GCC2: variants seen among roughly 807,000 people sequenced by gnomAD.
The protein encoded by GCC2 is GRIP and coiled-coil domain containing 2.
Under a neutral mutation model 210.6 loss-of-function variants are expected in GCC2, and 120 were observed. The observed-to-expected ratio is 0.57, with a 90% CI of 0.49 to 0.66. GCC2 has a LOEUF of 0.66. Among genes scored for constraint, GCC2 ranks in the 30% least tolerant of loss-of-function variants. The pLI, the probability that GCC2 is intolerant of heterozygous loss-of-function variation, is 0.00. For synonymous variants in GCC2, 703 were observed against 652.7 expected (o/e 1.08, Z -1.17); for missense variants, 1,868 against 1,871.9 (o/e 1.00, Z 0.04).
intron 9 of GCC2, among the ~76,000 whole-genome samples, chr2:108,479,113 G>A (rs950791048): frequency 6.6e-6 from 1 of 152,010 alleles, no homozygotes; most frequent in African/African-American, 2.4e-5. Flanking sequence ...GCAGTGAGCT[G>A]AGATCACGCC....
chr2:108,481,939 C>G, intron 10 of GCC2, 123 bp downstream of exon 10: 1 of 650,464 alleles, frequency 1.5e-6, no homozygotes, highest in Non-Finnish European at 2.6e-6. Flanking sequence ...CCACTTTACC[C>G]TCCTTCCCAC....
At position 108,452,486 on chromosome 2, in the gene GCC2, A is replaced by G. The variant is rs1310436312; in HGVS notation, c.216+20A>G. On this transcript the variant is annotated intron_variant, in intron 4 of 22. Transcript: ENST00000309863. ...ATTAAGGTAATTATTACGTTGGGAA[A>G]TGTCTAAAGAGAAATAAAATTTCCC... 2 of 1,380,622 alleles carry G rather than the reference A, an allele frequency of 1.4e-6. No individual in the cohort carries two copies. The highest frequency in any genetic ancestry group is 1.0e-6 in the Non-Finnish European group (1 of 971,268). 85.5% of individuals were successfully genotyped at this position (1,380,622 alleles called of 1,614,324 possible). A position where few individuals can be genotyped will look rare whatever the true frequency, so the allele number is the denominator to read the frequency against.
In GCC2 at chr2:108,471,246, T is replaced by G; in HGVS notation, c.1917T>G (p.Ser639Arg). Residue 639 changes from serine to arginine, a missense_variant, in exon 6 of 23, where the codon AGT becomes AGG. Physicochemically the swap from Ser to Arg is moderately radical, Grantham distance 110 (BLOSUM62 -1). This residue lies in a region of GCC2 where 1,847 missense variants were observed against 1,765.2 expected (regional missense o/e 1.05). Transcript: ENST00000309863. ...TAGAGCAAACAATCCAGTACAACAG[T>G]GAACTAGAACAAAAGGTAAATGAAT... ...KKVEQTIQYNSELEQKVNELT... is the reference protein window; with the variant it reads ...KKVEQTIQYNRELEQKVNELT... 6.2e-7 allele frequency: 1 copy of G among 1,608,770 alleles called. No individual in the cohort carries two copies.
At chr2:108,458,574 C>CT (rs779964759) in intron 4 of GCC2, among the ~76,000 whole-genome samples, 1 of 151,546 alleles carries the variant, frequency 6.6e-6, no homozygotes, top group African/African-American at 2.4e-5. Context: ...TGTGGGGAGA[C>CT]TTTTTATTAC....
chr2:108,456,864 A>C (rs766634232), intron 4 of GCC2, among the ~76,000 whole-genome samples: 1 of 151,646 alleles, frequency 6.6e-6, no homozygotes, highest in Non-Finnish European at 1.5e-5. Flanking sequence ...TAGGAAGATC[A>C]CTTGATCCCA....
chr2:108,464,101 G>A (rs1204871865), intron 4 of GCC2, among the ~76,000 whole-genome samples: 3 of 152,188 alleles, frequency 2.0e-5, no homozygotes, highest in South Asian at 4.2e-4. Context: ...TAAGGGTGGG[G>A]TGAGTGTCCC....
intron 7 of GCC2, chr2:108,473,127 G>T: frequency 7.7e-6 from 3 of 389,978 alleles, no homozygotes; most frequent in Admixed American, 4.8e-5. Context: ...ATTTATAAAT[G>T]GCTTCATGAT....
Position 108,495,368 on chromosome 2 carries a change from A to G in GCC2, c.4525A>G (p.Thr1509Ala), listed in dbSNP as rs757774345. Residue 1509 changes from threonine to alanine, a missense_variant, in exon 20 of 23, where the codon ACT becomes GCT. Thr to Ala is a moderately conservative substitution (Grantham distance 58). Transcript: ENST00000309863. ...NTDLPLLDMH[T>A]VTREEGEGME... ...AGACCTCCCGCTTCTAGACATGCAC[A>G]CTGTAACCCGGGAAGAGGGAGAAGG... 3.2e-6 allele frequency: 5 copies of G among 1,577,092 alleles called. No homozygotes were observed. The highest frequency in any genetic ancestry group is 3.4e-6 in the Non-Finnish European group (4 of 1,162,544).
At chr2:108,482,233 T>C in intron 10 of GCC2, 54 bp from the exon 11 acceptor site, 1 of 1,025,548 alleles carries the variant, frequency 9.8e-7, no homozygotes, top group Non-Finnish European at 1.5e-6. Context: ...TCATTCTTCC[T>C]CTGCTGTATA....
chr2:108,477,211 T>C (rs540786075), intron 9 of GCC2, among the ~76,000 whole-genome samples: 18 of 152,290 alleles, frequency 1.2e-4, no homozygotes, highest in South Asian at 4.1e-4. Flanking sequence ...CTGAAACTTA[T>C]CACAGAGTTA....
At chr2:108,487,842 CAG>C (rs1682223559) in intron 17 of GCC2, 22 bp downstream of exon 17, 6 of 1,603,728 alleles carry the variant, frequency 3.7e-6, no homozygotes, top group Non-Finnish European at 5.1e-6. Context: ...ATTAAATATG[CAG>C]AGTTTTCCTC....
intron 19 of GCC2, chr2:108,494,913 A>G (rs1423735932): frequency 6.4e-6 from 1 of 156,652 alleles, no homozygotes; most frequent in African/African-American, 2.4e-5. Context: ...CCTGGTTTCC[A>G]GCAATTCTCT....
rs752711734 is a variant in GCC2, at chr2:108,486,697, GC to G, written c.3930+50del. ...GCAAGCCACTGGGATTTTATTATCA[GC>G]TAGTCATTGGTTTACTCCAGGGCTG... On this transcript the variant is annotated intron_variant, in intron 16 of 22. Transcript: ENST00000309863. 6.6e-5 allele frequency: 103 copies of G among 1,561,898 alleles called. No individual in the cohort carries two copies. The South Asian group carries it at 1.1e-3, about 17-fold the overall frequency.
At chr2:108,489,349 C>G (rs979708546) in intron 17 of GCC2, among the ~76,000 whole-genome samples, 4 of 152,162 alleles carry the variant, frequency 2.6e-5, no homozygotes, top group Admixed American at 2.6e-4. Context: ...AACACTGTCT[C>G]TACTAAAAAT....
rs2581003 is a variant in GCC2 at position 108,495,455 on chromosome 2, C to T, written c.4612C>T (p.Gln1538Ter). 7 of 1,592,800 alleles carry T rather than the reference C, an allele frequency of 4.4e-6. No individual in the cohort carries two copies. Among genetic ancestry groups the T allele is most frequent in the East Asian group, 4.5e-5 (2 of 44,862 alleles). The change falls in exon 20 of 23, where the codon CAG becomes TAG. Residue 1538 changes from glutamine (Q) to a stop codon, truncating the protein, a stop_gained. Transcript: ENST00000309863. LOFTEE classifies it high-confidence loss of function. ...SASTYTQSLE[Q>*]LLNSPETKLE... ...CAGCACATACACACAGTCTTTAGAG[C>T]AGCTGCTTAACTCTCCCGAAACTAA...
chr2:108,507,142 C>T (rs1176420062), intron 22 of GCC2, among the ~76,000 whole-genome samples: 1 of 151,968 alleles, frequency 6.6e-6, no homozygotes, highest in Non-Finnish European at 1.5e-5. Context: ...TGACTGTAAT[C>T]CCAACAATGT....
chr2:108,457,496 T>A (rs1173326247), intron 4 of GCC2, among the ~76,000 whole-genome samples: 2 of 152,170 alleles, frequency 1.3e-5, no homozygotes, highest in African/African-American at 2.4e-5. Flanking sequence ...ATGAAAACAT[T>A]AGGATTCTTT....
chr2:108,505,427 G>A (rs1267986637), intron 22 of GCC2, among the ~76,000 whole-genome samples: 1 of 152,104 alleles, frequency 6.6e-6, no homozygotes, highest in Non-Finnish European at 1.5e-5. Flanking sequence ...AGAAATTCAT[G>A]CCTTTGTATA....
Position 108,484,275 on chromosome 2 carries a change from C to T in GCC2, c.3577C>T (p.Gln1193Ter). 1 of 1,541,694 alleles carries T rather than the reference C, an allele frequency of 6.5e-7. No homozygotes were observed. Among genetic ancestry groups the T allele is most frequent in the South Asian group, 1.2e-5 (1 of 82,310 alleles). Residue 1193 changes from glutamine to a stop codon, truncating the protein, a stop_gained, in exon 13 of 23, where the codon CAA (glutamine) becomes TAA (stop). Coordinates refer to ENST00000309863, the MANE Select transcript of GCC2 (RefSeq NM_181453.4). LOFTEE classifies it high-confidence loss of function. ...AGATTTGGAGCAAGAAATAAAAATT[C>T]AAAAACAGAAACAAGAAACCCTACA... is the stretch of plus-strand genomic sequence containing the variant. ...IEDLEQEIKI[Q>*]KQKQETLQEE...
Sources: allele counts gnomAD v4.1 joint callset (sites outside exome capture counted in the v4.1 genomes callset), GRCh38; gene constraint gnomAD v4.1.1; regional missense constraint gnomAD v4.1.1; transcripts MANE v1.5; gene names NCBI Gene and HGNC (gene_info 2026-07-23, HGNC 2026-07-21).